EIF4E2: variants seen among roughly 807,000 people sequenced by gnomAD.
The protein encoded by EIF4E2 is eukaryotic translation initiation factor 4E family member 2.
Under a neutral mutation model 34.2 loss-of-function variants are expected in EIF4E2, and 13 were observed. The ratio of observed to expected loss-of-function variants is 0.38; its 90% CI spans 0.25 to 0.60. EIF4E2 has a LOEUF of 0.60. Ranked by LOEUF, EIF4E2 falls within the 20% of genes least tolerant of loss-of-function variation. The pLI, the probability that EIF4E2 is intolerant of heterozygous loss-of-function variation, is 0.62. For synonymous variants in EIF4E2, 100 were observed against 106.6 expected (o/e 0.94, Z 0.38); for missense variants, 222 against 315.1 (o/e 0.70, Z 2.24).
chr2:232,564,213 A>G (rs376297950), intron 3 of EIF4E2, 34 bp from the exon 4 acceptor site: 93 of 1,431,966 alleles, frequency 6.5e-5, no homozygotes, highest in Non-Finnish European at 8.5e-5. Context: ...AGTAAAAGAC[A>G]CATGTTTTTT....
At chr2:232,565,347 T>C (rs1692883345) in intron 4 of EIF4E2, among the ~76,000 whole-genome samples, 1 of 152,208 alleles carries the variant, frequency 6.6e-6, no homozygotes, top group Non-Finnish European at 1.5e-5. Context: ...TAAGACCCAC[T>C]TCTTGGCAGG....
At chr2:232,550,898 G>T in intron 1 of EIF4E2, 154 bp downstream of exon 1, 1 of 787,710 alleles carries the variant, frequency 1.3e-6, no homozygotes, top group Non-Finnish European at 2.0e-6. Context: ...CGGGGAGGAG[G>T]GGGCTGGGGA....
rs1484476594 is a variant in EIF4E2, at chr2:232,559,399, AG to A, written c.270+1382del. On this transcript the variant is annotated intron_variant, in intron 3 of 6. Coordinates refer to ENST00000258416, the MANE Select transcript of EIF4E2 (RefSeq NM_004846.4). Reference sequence around the variant, plus strand: ...AGTAACAATCACGGTTTTCTCCAACAGTCTTGCATATTACTTTTTTTTAAAG... The same window carrying A: ...AGTAACAATCACGGTTTTCTCCAACATCTTGCATATTACTTTTTTTTAAAG... Among the ~76,000 whole-genome samples the A allele has an allele frequency of 3.3e-5, 5 of 151,508 alleles. No homozygotes were observed. The East Asian group carries it at 9.7e-4, about 29-fold the overall frequency.
chr2:232,563,955 A>G (rs1417720538), intron 3 of EIF4E2, among the ~76,000 whole-genome samples: 1 of 152,224 alleles, frequency 6.6e-6, no homozygotes, highest in Non-Finnish European at 1.5e-5. Flanking sequence ...GAGAGTGCGT[A>G]TTAACATGGT....
At position 232,574,398 on chromosome 2, in the gene EIF4E2, C is replaced by T. The variant is rs76450649; in HGVS notation, c.666-6506C>T. On this transcript the variant is annotated intron_variant, in intron 6 of 6. Transcript: ENST00000409098. ...GTGACATACCTCTCATCCATAGGAC[C>T]CCTCTTCCCATTTACCCCCAAACTT... 3,927 of 1,517,228 alleles carry T rather than the reference C, an allele frequency of 2.6e-3. 90 individuals carry two copies. The African/African-American group carries it at 0.045, about 18-fold the overall frequency. 94.0% of individuals were successfully genotyped at this position (1,517,228 alleles called of 1,614,324 possible). A position where few individuals can be genotyped will look rare whatever the true frequency, so the allele number is the denominator to read the frequency against.
intron 6 of EIF4E2, among the ~76,000 whole-genome samples, chr2:232,574,875 C>A (rs569420697): frequency 6.6e-6 from 1 of 152,200 alleles, no homozygotes; most frequent in African/African-American, 2.4e-5. Context: ...GCTGTACTTT[C>A]ACTAGACCAG....
chr2:232,557,680 G>A (rs1190439), intron 2 of EIF4E2: 166,886 of 610,818 alleles, frequency 0.27, 24,484 homozygotes, highest in Admixed American at 0.43. Context: ...TAAGAACACA[G>A]GTAAAGTGTT....
chr2:232,582,743 A>C (rs931695317), exon 7 of EIF4E2: 1 of 152,140 alleles, frequency 6.6e-6, no homozygotes, highest in Admixed American at 6.6e-5. Flanking sequence ...GTATGTGTAG[A>C]GTGTGCTTAG....
At chr2:232,561,912 A>T (rs549766140) in intron 3 of EIF4E2, among the ~76,000 whole-genome samples, 8 of 151,648 alleles carry the variant, frequency 5.3e-5, no homozygotes, top group Admixed American at 1.3e-4. Flanking sequence ...CAAATCTTTT[A>T]AAGTTTAATA....
At chr2:232,577,344 G>A (rs908344106) in intron 6 of EIF4E2, among the ~76,000 whole-genome samples, 11 of 152,142 alleles carry the variant, frequency 7.2e-5, no homozygotes, top group African/African-American at 2.7e-4. Context: ...AGAGACATAG[G>A]TAGCCTTCCT....
exon 7 of EIF4E2, chr2:232,582,712 T>C (rs1693387948): frequency 6.6e-6 from 1 of 152,154 alleles, no homozygotes; most frequent in African/African-American, 2.4e-5. Flanking sequence ...CTGACTGTTG[T>C]GTGTGTGGGA....
intron 3 of EIF4E2, among the ~76,000 whole-genome samples, chr2:232,562,094 G>A (rs574201307): frequency 9.2e-5 from 14 of 152,076 alleles, no homozygotes; most frequent in Non-Finnish European, 1.8e-4. Flanking sequence ...GCCCACTTGT[G>A]GTCCCAGCTA....
chr2:232,574,186 G>T (rs768807950), downstream of EIF4E2: 18 of 1,417,360 alleles, frequency 1.3e-5, no homozygotes, highest in South Asian at 2.2e-4. Context: ...GGGATGTGGG[G>T]TTATTGTGTC....
At chr2:232,562,368 G>A (rs563330889) in intron 3 of EIF4E2, among the ~76,000 whole-genome samples, 2 of 152,170 alleles carry the variant, frequency 1.3e-5, no homozygotes, top group Admixed American at 1.3e-4. Flanking sequence ...ATCACCTGAG[G>A]TCAGGAGTTC....
chr2:232,576,156 A>T (rs1478414180), intron 6 of EIF4E2, among the ~76,000 whole-genome samples: 6 of 152,046 alleles, frequency 3.9e-5, no homozygotes, highest in Non-Finnish European at 7.4e-5. Flanking sequence ...GTGAGCCAAG[A>T]TCATGCCACT....
At chr2:232,572,088 CTA>C (rs1390991962), downstream of EIF4E2, among the ~76,000 whole-genome samples, 2 of 152,182 alleles carry the variant, frequency 1.3e-5, no homozygotes, top group Non-Finnish European at 2.9e-5. Flanking sequence ...ATATTAACCT[CTA>C]ATTAATTTTT....
chr2:232,562,556 C>G (rs958758403), intron 3 of EIF4E2, among the ~76,000 whole-genome samples: 1 of 152,144 alleles, frequency 6.6e-6, no homozygotes, highest in Non-Finnish European at 1.5e-5. Flanking sequence ...CACCATTGCA[C>G]TCCAGCCTGG....
chr2:232,560,656 T>C lies in EIF4E2; in HGVS notation c.270+2638T>C, dbSNP rs182920633. 1.9e-3 allele frequency among the ~76,000 whole-genome samples: 286 copies of C among 152,248 alleles called. 2 individuals carry two copies. The highest frequency in any genetic ancestry group is 6.5e-3 in the African/African-American group (272 of 41,544). ...AAAACTTTTCTGCTTCAAAGGACGC[T>C]ATCAAGAAAGTGAAAAGATAGCCTA... On this transcript the variant is annotated intron_variant, in intron 3 of 6. Coordinates refer to ENST00000258416, the MANE Select transcript of EIF4E2 (RefSeq NM_004846.4).
intron 6 of EIF4E2, among the ~76,000 whole-genome samples, chr2:232,579,253 C>T (rs918424931): frequency 6.6e-6 from 1 of 151,966 alleles, no homozygotes; most frequent in South Asian, 2.1e-4. Context: ...AGGGGTCTAT[C>T]CTTTTGAAAA....
Sources: gnomAD v4.1 joint callset for allele counts (sites outside exome capture counted in the v4.1 genomes callset) on GRCh38, gnomAD v4.1.1 for gene constraint, MANE v1.5 for transcripts, NCBI Gene and HGNC (gene_info 2026-07-23, HGNC 2026-07-21) for gene names.